The following MTR variants were observed in gnomAD, a reference collection of about 807,000 sequenced individuals.
The protein encoded by MTR is 5-methyltetrahydrofolate-homocysteine methyltransferase, also known as methionine synthase.
In MTR, 84 loss-of-function variants were observed where a neutral mutation model predicts 154.8. That is an observed-to-expected ratio of 0.54 (90% CI 0.45 to 0.65). The LOEUF is 0.65. MTR is among the 30% of genes least tolerant of loss of function. The probability of loss-of-function intolerance (pLI) is 0.00; values close to 1 mark genes in which losing one functional copy is unlikely to be tolerated. For synonymous variants in MTR, 554 were observed against 553.9 expected (o/e 1.00, Z 0.00); for missense variants, 1,275 against 1,570.2 (o/e 0.81, Z 3.18).
chr1:236,897,252 T>G (rs1378878599), intron 32 of MTR, 134 bp downstream of exon 32: 2 of 783,800 alleles, frequency 2.6e-6, no homozygotes, highest in South Asian at 2.9e-5. Flanking sequence ...TGTCTTAATT[T>G]GATTTCAATA....
chr1:236,892,297 C>T (rs893672906), intron 29 of MTR, among the ~76,000 whole-genome samples: 1 of 151,986 alleles, frequency 6.6e-6, no homozygotes, highest in Non-Finnish European at 1.5e-5. Flanking sequence ...GATGGCAAGA[C>T]CCTGTCTCTA....
At position 236,819,960 on chromosome 1, in the gene MTR, A is replaced by G. The variant is rs2103075288; in HGVS notation, c.764+3417A>G. The G allele has an allele frequency of 3.5e-6, 4 of 1,153,252 alleles. No individual in the cohort carries two copies. In the Middle Eastern group the frequency reaches 1.1e-3, roughly 319 times the overall value. The allele number at this position is 1,153,252 out of a possible 1,614,324, so 71.4% of individuals were successfully genotyped here. A position where few individuals can be genotyped will look rare whatever the true frequency, so the allele number is the denominator to read the frequency against. On this transcript the variant is annotated intron_variant, in intron 8 of 32. Transcript: ENST00000366577. The stretch of plus-strand genomic sequence containing the variant: ...TGGCCGCTTCACTTCTGGAACCTTC[A>G]CTAACCAGATCCAGGCAGCCTTCCG...
At chr1:236,889,668 G>T (rs1666208707) in intron 28 of MTR, among the ~76,000 whole-genome samples, 1 of 152,200 alleles carries the variant, frequency 6.6e-6, no homozygotes. Context: ...CCCTGCCTGG[G>T]CTCCTGTGGA....
At chr1:236,882,559 T>A (rs893096903) in intron 25 of MTR, among the ~76,000 whole-genome samples, 1 of 152,038 alleles carries the variant, frequency 6.6e-6, no homozygotes, top group Non-Finnish European at 1.5e-5. Context: ...TCCGGCTAAT[T>A]TTTTTGTATT....
chr1:236,842,092 C>T (rs58600988), intron 15 of MTR, among the ~76,000 whole-genome samples: 5 of 151,940 alleles, frequency 3.3e-5, no homozygotes, highest in South Asian at 2.1e-4. Context: ...GGGGTTTCAC[C>T]GTGTCAGCCA....
At chr1:236,838,365 T>C in intron 14 of MTR, 49 bp from the exon 15 acceptor site, 1 of 1,588,680 alleles carries the variant, frequency 6.3e-7, no homozygotes, top group African/African-American at 1.3e-5. Flanking sequence ...AAAAGTAATT[T>C]ATAGTGACCT....
chr1:236,897,555 C>G lies in MTR; in HGVS notation c.3712-3C>G, dbSNP rs1222329164. Reference sequence around the variant, plus strand: ...TTAATAAAATGCTTCTCATCTTTTGCAGGTTGAGGATTATGCATTGAGGAA... The same window carrying G: ...TTAATAAAATGCTTCTCATCTTTTGGAGGTTGAGGATTATGCATTGAGGAA... On this transcript the variant is annotated splice_region_variant and splice_polypyrimidine_tract_variant and intron_variant, in intron 32 of 32. Transcript: ENST00000366577. 26 of 1,612,522 alleles carry G rather than the reference C, an allele frequency of 1.6e-5. No individual in the cohort carries two copies. Among genetic ancestry groups the G allele is most frequent in the Non-Finnish European group, 2.1e-5 (25 of 1,178,936 alleles).
At chr1:236,815,965 TG>T (rs1230988904) in intron 7 of MTR, among the ~76,000 whole-genome samples, 1 of 152,002 alleles carries the variant, frequency 6.6e-6, no homozygotes, top group Admixed American at 6.6e-5. Flanking sequence ...CAAGGAGGGG[TG>T]GACTTGCATG....
intron 9 of MTR, 65 bp from the exon 10 acceptor site, chr1:236,825,273 T>C: frequency 8.6e-7 from 1 of 1,156,868 alleles, no homozygotes; most frequent in South Asian, 1.2e-5. Context: ...TAACATAAAG[T>C]CTTTAAAAAT....
At chr1:236,800,484 G>A in intron 1 of MTR, 9 of 985,050 alleles carry the variant, frequency 9.1e-6, no homozygotes, top group Non-Finnish European at 1.1e-5. Flanking sequence ...GTAGGTTAGA[G>A]TCTTTAGTTC....
In MTR at chr1:236,889,098, C is replaced by T. The variant is rs908856420; in HGVS notation, c.2852-83C>T. The T allele has an allele frequency of 1.5e-5, 23 of 1,543,872 alleles. No individual in the cohort carries two copies. In the African/African-American group the frequency reaches 2.6e-4, roughly 17 times the overall value. ...GAGGGAGGCGGAGTGTGGGAGTTGGCAGAGCAGTGAGGAGCTGGCAGGGAG... is the reference window on the plus strand; with the variant it reads ...GAGGGAGGCGGAGTGTGGGAGTTGGTAGAGCAGTGAGGAGCTGGCAGGGAG... On this transcript the variant is annotated intron_variant, in intron 27 of 32. Transcript: ENST00000366577.
At chr1:236,889,030 TTTAA>T in intron 27 of MTR, 147 bp from the exon 28 acceptor site, 1 of 932,486 alleles carries the variant, frequency 1.1e-6, no homozygotes, top group African/African-American at 1.6e-5. Context: ...TCCACGATAA[TTTAA>T]AGTTCCCCTC....
At chr1:236,822,458 C>T (rs374245508) in intron 8 of MTR, among the ~76,000 whole-genome samples, 3 of 151,652 alleles carry the variant, frequency 2.0e-5, no homozygotes, top group African/African-American at 4.8e-5. Flanking sequence ...TACAGGTGTG[C>T]GCCACCATGC....
intron 4 of MTR, 144 bp downstream of exon 4, chr1:236,808,917 A>G: frequency 3.9e-6 from 3 of 763,496 alleles, no homozygotes; most frequent in Non-Finnish European, 6.9e-6. Context: ...ATGTTTGTAG[A>G]TTACTTCTCT....
At chr1:236,820,780 G>C (rs1451907625) in intron 8 of MTR, among the ~76,000 whole-genome samples, 1 of 152,170 alleles carries the variant, frequency 6.6e-6, no homozygotes, top group Non-Finnish European at 1.5e-5. Flanking sequence ...CAGTGAAGGA[G>C]AGTTCCTGTT....
At chr1:236,895,653 T>G (rs1572350119) in intron 31 of MTR, 103 bp downstream of exon 31, 5 of 1,231,696 alleles carry the variant, frequency 4.1e-6, no homozygotes, top group South Asian at 1.4e-5. Context: ...ATGGAAGGGC[T>G]TCTAATCACA....
At position 236,795,550 on chromosome 1, in the gene MTR, C is replaced by T. The variant is rs773915778; in HGVS notation, c.-154C>T. On this transcript the variant is annotated 5_prime_UTR_variant, in exon 1 of 33. Coordinates refer to ENST00000366577, the MANE Select transcript of MTR (RefSeq NM_000254.3). ...CTGCGGGCTTTCGGGGTCCGCAGTCCCCCCGCGACGCGAGCCAACGGGAGG... is the reference window on the plus strand; with the variant it reads ...CTGCGGGCTTTCGGGGTCCGCAGTCTCCCCGCGACGCGAGCCAACGGGAGG... The T allele has an allele frequency of 6.5e-7, 1 of 1,540,898 alleles. No individual in the cohort carries two copies. Among genetic ancestry groups the T allele is most frequent in the Non-Finnish European group, 8.7e-7 (1 of 1,148,360 alleles).
chr1:236,857,294 A>G (rs1428504761), intron 18 of MTR, among the ~76,000 whole-genome samples: 1 of 152,116 alleles, frequency 6.6e-6, no homozygotes, highest in Non-Finnish European at 1.5e-5. Flanking sequence ...GTTATTGTCT[A>G]TTAATACCTT....
Position 236,859,844 on chromosome 1 carries a change from AG to A in MTR, c.1967del (p.Gly656GlufsTer25). On this transcript the variant is annotated frameshift_variant, in exon 19 of 33. Transcript: ENST00000366577. LOFTEE classifies it high-confidence loss of function. ...CAATTTCAATTCAGACTCAAGGCACAGGAGGGAAGAAAGTCATTCAGACTGA... is the reference window on the plus strand; with the variant it reads ...CAATTTCAATTCAGACTCAAGGCACAGAGGGAAGAAAGTCATTCAGACTGA... ...LLRYAQTQGT[G>X]GKKVIQTDEW... 6.2e-7 allele frequency: 1 copy of A among 1,613,844 alleles called. No individual in the cohort carries two copies. Among genetic ancestry groups the A allele is most frequent in the Non-Finnish European group, 8.5e-7 (1 of 1,179,744 alleles).
Sources: gnomAD v4.1 joint callset for allele counts (sites outside exome capture counted in the v4.1 genomes callset) on GRCh38, gnomAD v4.1.1 for gene constraint, MANE v1.5 for transcripts, NCBI Gene and HGNC (gene_info 2026-07-23, HGNC 2026-07-21) for gene names.